HERC2: variants seen among roughly 807,000 people sequenced by gnomAD.
HERC2 encodes E3 ubiquitin-protein ligase HERC2.
HERC2 carries 102 observed loss-of-function variants against 537.7 expected under a neutral mutation model. That is an observed-to-expected ratio of 0.19 (90% CI 0.16 to 0.22). HERC2 has a LOEUF of 0.22. Ranked by LOEUF, HERC2 falls within the 10% of genes least tolerant of loss-of-function variation. The pLI is 1.00. For synonymous variants in HERC2, 2,224 were observed against 2,466.2 expected (o/e 0.90, Z 2.91); for missense variants, 4,236 against 6,198.2 (o/e 0.68, Z 10.63).
Position 28,176,403 on chromosome 15 carries a change from T to A in HERC2, c.9686+25A>T. The A allele has an allele frequency of 6.2e-7, 1 of 1,612,340 alleles. No individual in the cohort carries two copies. The highest frequency in any genetic ancestry group is 1.7e-4 in the Middle Eastern group (1 of 6,026). ...CACACACCTGCACAAGCACACACAG[T>A]GTGACAGGGAGGACGTTTACGTACC... On this transcript the variant is annotated intron_variant, in intron 63 of 92. Coordinates refer to ENST00000261609, the MANE Select transcript of HERC2 (RefSeq NM_004667.6). The surrounding 1 kb of genome is among the most constrained non-coding windows in gnomAD (Gnocchi z 5.0).
At chr15:28,200,581 A>G (rs1897809406) in intron 48 of HERC2, among the ~76,000 whole-genome samples, 1 of 152,168 alleles carries the variant, frequency 6.6e-6, no homozygotes, top group African/African-American at 2.4e-5. Context: ...ACAAGGGGGA[A>G]CCACTCTAGC....
At chr15:28,145,452 C>G (rs1278815693) in intron 71 of HERC2, among the ~76,000 whole-genome samples, 1 of 152,196 alleles carries the variant, frequency 6.6e-6, no homozygotes. Context: ...CAGAAAAACT[C>G]ACATCCAACA....
intron 2 of HERC2, among the ~76,000 whole-genome samples, chr15:28,307,027 G>T (rs1220350496): frequency 6.6e-6 from 1 of 152,150 alleles, no homozygotes; most frequent in Non-Finnish European, 1.5e-5. Context: ...TAGAGTTGGA[G>T]TTTCACCATG....
chr15:28,277,919 G>T (rs1172660996), intron 5 of HERC2, among the ~76,000 whole-genome samples: 2 of 152,044 alleles, frequency 1.3e-5, no homozygotes, highest in African/African-American at 2.4e-5. Flanking sequence ...ATATAAAATG[G>T]TGTAGTATTT....
intron 35 of HERC2, 37 bp downstream of exon 35, chr15:28,228,181 C>T (rs1901429934): frequency 1.3e-6 from 2 of 1,557,086 alleles, no homozygotes; most frequent in Admixed American, 1.7e-5. Flanking sequence ...AAAATCTTGA[C>T]ATTTTCCCAA....
rs1314004572 is a variant in HERC2 at position 28,177,591 on chromosome 15, G to A, written c.9164-82C>T. The A allele has an allele frequency of 3.3e-6, 4 of 1,216,912 alleles. No individual in the cohort carries two copies. In the East Asian group the frequency reaches 7.0e-5, roughly 21 times the overall value. The allele number at this position is 1,216,912 out of a possible 1,614,324, so 75.4% of individuals were successfully genotyped here. Reference sequence around the variant, plus strand: ...CATAGCTAGCTCCCTATTTTGCCTGGCATATAGCACACACTCAATGAGCGT... The same window carrying A: ...CATAGCTAGCTCCCTATTTTGCCTGACATATAGCACACACTCAATGAGCGT... On this transcript the variant is annotated intron_variant, in intron 59 of 92. Coordinates refer to ENST00000261609, the MANE Select transcript of HERC2 (RefSeq NM_004667.6). The surrounding 1 kb of genome is among the most constrained non-coding windows in gnomAD (Gnocchi z 5.0).
intron 55 of HERC2, 86 bp downstream of exon 55, chr15:28,190,878 TG>T: frequency 1.2e-6 from 1 of 829,644 alleles, no homozygotes; most frequent in Non-Finnish European, 2.1e-6. Context: ...GGGGAAAAAC[TG>T]GGCTCAATGC....
At chr15:28,235,053 A>AG (rs1437096926) in intron 26 of HERC2, among the ~76,000 whole-genome samples, 1 of 152,098 alleles carries the variant, frequency 6.6e-6, no homozygotes, top group Non-Finnish European at 1.5e-5. Flanking sequence ...TGGCAACTTG[A>AG]GGGAGTGCAC....
rs779745475 is a variant in HERC2 at position 28,191,042 on chromosome 15, T to A, written c.8572A>T (p.Asn2858Tyr). Residue 2858 changes from asparagine to tyrosine, a missense_variant, in exon 55 of 93, where the codon AAT becomes TAT. By Grantham distance (143) the Asn-to-Tyr change is moderately radical. Around this residue, in one of 27 missense-constraint regions of HERC2, gnomAD observed 606 missense variants for 884.5 expected, o/e 0.69. Coordinates refer to ENST00000261609, the MANE Select transcript of HERC2 (RefSeq NM_004667.6). Reference sequence around the variant, plus strand: ...ATTGTCTTTAGTTCAATAAGGTTATTCAGGGAATTTCCACCTAGGAAAAAA... The same window carrying A: ...ATTGTCTTTAGTTCAATAAGGTTATACAGGGAATTTCCACCTAGGAAAAAA... Reference protein sequence around the residue: ...LVVVSGGNSLNNLIELKTINI... With the variant: ...LVVVSGGNSLYNLIELKTINI... 6.8e-6 allele frequency: 11 copies of A among 1,611,814 alleles called. No homozygotes were observed. Among genetic ancestry groups the A allele is most frequent in the African/African-American group, 1.3e-5 (1 of 74,844 alleles).
In HERC2 at chr15:28,192,167, CA is replaced by C; in HGVS notation, c.8261-17del. On this transcript the variant is annotated splice_polypyrimidine_tract_variant and intron_variant, in intron 52 of 92. Transcript: ENST00000261609. ...GCAGACTGACCTATTTCGTGATAGTCAAAAAGAGAATTAACCCTTGCTGAAC... is the reference window on the plus strand; with the variant it reads ...GCAGACTGACCTATTTCGTGATAGTCAAAAGAGAATTAACCCTTGCTGAAC... 6.2e-7 allele frequency: 1 copy of C among 1,600,510 alleles called. No homozygotes were observed. Among genetic ancestry groups the C allele is most frequent in the South Asian group, 1.1e-5 (1 of 90,424 alleles).
At chr15:28,193,470 T>C (rs1897042751) in intron 52 of HERC2, among the ~76,000 whole-genome samples, 2 of 152,148 alleles carry the variant, frequency 1.3e-5, no homozygotes, top group African/African-American at 4.8e-5. Flanking sequence ...GTAAAAGATC[T>C]GCAGGACAGA....
chr15:28,148,743 G>A (rs182445663), intron 70 of HERC2, among the ~76,000 whole-genome samples: 61 of 151,596 alleles, frequency 4.0e-4, no homozygotes, highest in Admixed American at 3.3e-3. Context: ...GCGCATTCTA[G>A]TAAAACTACC....
intron 78 of HERC2, among the ~76,000 whole-genome samples, chr15:28,137,436 C>T (rs1334707361): frequency 1.3e-5 from 2 of 152,204 alleles, no homozygotes; most frequent in African/African-American, 2.4e-5. Context: ...TCAAGTCTAT[C>T]GGCGCCATTT....
At chr15:28,298,943 T>C (rs1169191485) in intron 3 of HERC2, among the ~76,000 whole-genome samples, 1 of 152,144 alleles carries the variant, frequency 6.6e-6, no homozygotes, top group Non-Finnish European at 1.5e-5. Context: ...ACTTCAACAG[T>C]GGTTCTCAAC....
At chr15:28,223,948 T>C (rs1164325496) in intron 35 of HERC2, among the ~76,000 whole-genome samples, 3 of 151,994 alleles carry the variant, frequency 2.0e-5, no homozygotes, top group African/African-American at 4.8e-5. Flanking sequence ...GGGAAAAAAG[T>C]AGACAACATA....
At chr15:28,183,808 G>C (rs562032641) in intron 56 of HERC2, among the ~76,000 whole-genome samples, 4 of 152,226 alleles carry the variant, frequency 2.6e-5, no homozygotes, top group Admixed American at 1.3e-4. Context: ...AATAAAAGTG[G>C]AAAACTCTTT....
chr15:28,306,040 G>A (rs1567145574), intron 2 of HERC2, among the ~76,000 whole-genome samples: 1 of 152,164 alleles, frequency 6.6e-6, no homozygotes, highest in Non-Finnish European at 1.5e-5. Context: ...AGGTGCTGGA[G>A]AGGATGTGGA....
intron 35 of HERC2, among the ~76,000 whole-genome samples, chr15:28,224,285 T>G (rs933922809): frequency 9.9e-5 from 15 of 151,764 alleles, no homozygotes; most frequent in African/African-American, 3.4e-4. Context: ...GCAGTGGCTT[T>G]ATCTCCGCTC....
At position 28,270,748 on chromosome 15, in the gene HERC2, G is replaced by A. The variant is rs761287336; in HGVS notation, c.1204C>T (p.Arg402Cys). The change falls in exon 10 of 93, where the codon CGT (arginine) becomes TGT (cysteine). Residue 402 changes from arginine (R) to cysteine (C), a missense_variant. Coordinates refer to ENST00000261609, the MANE Select transcript of HERC2 (RefSeq NM_004667.6). ...GGAGGCATACAGGGCGTAGCCAGAC[G>A]GTCTAAATGGGCCATGACAACAACC... ...TAVVVMAHLD[R>C]LATPCMPPLC... 7 of 1,613,908 alleles carry A rather than the reference G, an allele frequency of 4.3e-6. No homozygotes were observed. Among genetic ancestry groups the A allele is most frequent in the East Asian group, 2.2e-5 (1 of 44,872 alleles).
Sources: gnomAD v4.1 joint callset for allele counts (sites outside exome capture counted in the v4.1 genomes callset) on GRCh38, gnomAD v4.1.1 for gene constraint, gnomAD v4.1.1 regional missense constraint, Gnocchi (gnomAD v3.1) non-coding constraint, MANE v1.5 for transcripts, NCBI Gene and HGNC (gene_info 2026-07-23, HGNC 2026-07-21) for gene names.